Variants in CDKL5 observed in about 807,000 individuals in gnomAD.
The protein encoded by CDKL5 is cyclin dependent kinase like 5, also known as cyclin-dependent kinase-like 5.
In CDKL5, 8 loss-of-function variants were observed where a neutral mutation model predicts 61.7. The observed-to-expected ratio is 0.13, with a 90% confidence interval of 0.08 to 0.23. The LOEUF (loss-of-function observed/expected upper bound fraction) is 0.23, where lower values mean the gene tolerates loss of function less well. CDKL5 is among the 10% of genes least tolerant of loss of function. The pLI, the probability that CDKL5 is intolerant of heterozygous loss-of-function variation, is 1.00. For missense variants in CDKL5, 440 were observed against 734.5 expected (o/e 0.60, Z 4.63); for synonymous variants, 275 against 272.3 (o/e 1.01, Z -0.10).
chrX:18,486,839 T>C (rs1389434065), intron 1 of CDKL5, among the ~76,000 whole-genome samples: 1 of 112,051 alleles, frequency 8.9e-6, no homozygotes, highest in African/African-American at 3.2e-5. Context: ...GAATATTTTA[T>C]TTAATGAGTA....
intron 7 of CDKL5, among the ~76,000 whole-genome samples, chrX:18,583,263 G>A (rs1381978644): frequency 1.8e-5 from 2 of 111,436 alleles, no homozygotes; most frequent in Non-Finnish European, 3.8e-5. Context: ...TGGTCAGGAA[G>A]TTCCTCCTGG....
chrX:18,605,874 A>G (rs1399769059), intron 12 of CDKL5, among the ~76,000 whole-genome samples: 1 of 112,015 alleles, frequency 8.9e-6, no homozygotes, highest in Non-Finnish European at 1.9e-5. Context: ...GGGAAGATAA[A>G]CTGATACATG....
chrX:18,570,938 G>A (rs1925116624), intron 4 of CDKL5, among the ~76,000 whole-genome samples: 1 of 111,424 alleles, frequency 9.0e-6, no homozygotes, highest in African/African-American at 3.3e-5. Context: ...TCCTCACTCA[G>A]TGGGGTTTCT....
intron 9 of CDKL5, among the ~76,000 whole-genome samples, chrX:18,593,744 A>G (rs1288223333): frequency 8.9e-6 from 1 of 112,266 alleles, no homozygotes; most frequent in Non-Finnish European, 1.9e-5. Context: ...GCATAACATC[A>G]CTTCCCTCAG....
intron 3 of CDKL5, among the ~76,000 whole-genome samples, chrX:18,539,760 G>A: frequency 9.0e-6 from 1 of 111,507 alleles, no homozygotes; most frequent in Non-Finnish European, 1.9e-5. Flanking sequence ...TCTTCAGGAA[G>A]TTTTAGGATT....
chrX:18,530,030 T>C (rs1472158710), intron 3 of CDKL5, among the ~76,000 whole-genome samples: 1 of 111,480 alleles, frequency 9.0e-6, no homozygotes, highest in Non-Finnish European at 1.9e-5. Context: ...TGTTTTGCTT[T>C]TTAAAAATCT....
At chrX:18,617,784 T>C (rs1926764448) in intron 15 of CDKL5, among the ~76,000 whole-genome samples, 1 of 111,910 alleles carries the variant, frequency 8.9e-6, no homozygotes, top group African/African-American at 3.3e-5. Context: ...TTTTTTCATT[T>C]GGCCTCTGGG....
chrX:18,457,912 CTTTTTTTTT>C (rs775565675), intron 1 of CDKL5, among the ~76,000 whole-genome samples: 1 of 45,247 alleles, frequency 2.2e-5, no homozygotes. Context: ...CCATGCCCGG[CTTTTTTTTT>C]TTTTTTTTTT....
chrX:18,455,639 C>A (rs1284232418), intron 1 of CDKL5, among the ~76,000 whole-genome samples: 4 of 112,901 alleles, frequency 3.5e-5, no homozygotes, highest in African/African-American at 1.3e-4. Context: ...ACAGTGCAAA[C>A]CCGCTTCTGT....
intron 3 of CDKL5, among the ~76,000 whole-genome samples, chrX:18,558,756 A>G (rs908200971): frequency 8.9e-6 from 1 of 112,171 alleles, no homozygotes; most frequent in African/African-American, 3.2e-5. Flanking sequence ...ATAATCTGAC[A>G]CTGCTAGAGC....
In CDKL5 at chrX:18,628,547, G is replaced by A. The variant is rs373448935; in HGVS notation, c.2673G>A (p.Gln891=). 9.6e-5 allele frequency: 116 copies of A among 1,210,338 alleles called. No individual in the cohort carries two copies. The highest frequency in any genetic ancestry group is 3.1e-4 in the Admixed American group (14 of 45,830). The change falls in exon 18 of 18, where the codon CAG becomes CAA. Residue 891 remains glutamine, a synonymous_variant. Transcript: ENST00000623535. ...CTGGCGGGAGCAGCAACATCCGGCAGGAACCCGCACCGAAGGGCAGGCCAG... is the reference window on the plus strand; with the variant it reads ...CTGGCGGGAGCAGCAACATCCGGCAAGAACCCGCACCGAAGGGCAGGCCAG... ...QASGGSSNIR[Q]EPAPKGRPAL...
intron 1 of CDKL5, among the ~76,000 whole-genome samples, chrX:18,466,153 C>T (rs181322309): frequency 4.6e-4 from 51 of 111,337 alleles, no homozygotes; most frequent in Middle Eastern, 4.7e-3. Flanking sequence ...TCTACCTGTT[C>T]TCAGTGAAGA....
intron 15 of CDKL5, among the ~76,000 whole-genome samples, chrX:18,615,549 C>A (rs1369700596): frequency 9.0e-6 from 1 of 111,479 alleles, no homozygotes; most frequent in Admixed American, 9.5e-5. Flanking sequence ...TCCTGAGTAG[C>A]CCAGACTGTG....
chrX:18,530,457 C>T (rs577159767), intron 3 of CDKL5, among the ~76,000 whole-genome samples: 1 of 110,911 alleles, frequency 9.0e-6, no homozygotes, highest in Non-Finnish European at 1.9e-5. Context: ...AGTTTACTGT[C>T]GAGTCCATTA....
At position 18,633,998 on chromosome X, in the gene CDKL5, T is replaced by C; in HGVS notation, c.*5241T>C. 1 of 754,333 alleles carries C rather than the reference T, an allele frequency of 1.3e-6. No homozygotes were observed. The highest frequency in any genetic ancestry group is 6.7e-5 in the South Asian group (1 of 14,867). The allele number at this position is 754,333 out of a possible 1,213,427, so 62.2% of individuals were successfully genotyped here. A position where few individuals can be genotyped will look rare whatever the true frequency, so the allele number is the denominator to read the frequency against. ...AATTGTAATAGTCGGCACGCTGGAT[T>C]TGTAGGGCCAGCAAAATTGCGGCAG... On this transcript the variant is annotated 3_prime_UTR_variant, in exon 18 of 18. Coordinates refer to ENST00000623535, the MANE Select transcript of CDKL5 (RefSeq NM_001323289.2).
rs1384736284 is a variant in CDKL5 at position 18,595,432 on chromosome X, A to T, written c.825+4A>T. On this transcript the variant is annotated splice_donor_region_variant and intron_variant, in intron 10 of 17. Transcript: ENST00000623535. ...TGTTCTACTTGACCTAATGAAGGTA[A>T]GGCCAATTGATATTATCTCTATAAA... The T allele has an allele frequency of 1.8e-6, 2 of 1,093,791 alleles. No individual in the cohort carries two copies. The highest frequency in any genetic ancestry group is 3.6e-5 in the African/African-American group (2 of 55,057). 90.1% of individuals were successfully genotyped at this position (1,093,791 alleles called of 1,213,427 possible). A position where few individuals can be genotyped will look rare whatever the true frequency, so the allele number is the denominator to read the frequency against.
chrX:18,599,324 T>G (rs985380460), intron 11 of CDKL5, among the ~76,000 whole-genome samples: 2 of 112,536 alleles, frequency 1.8e-5, no homozygotes, highest in Non-Finnish European at 3.8e-5. Flanking sequence ...CTAGTCATGG[T>G]CTCCCTGTTT....
chrX:18,628,600 C>T lies in CDKL5; in HGVS notation c.2726C>T (p.Pro909Leu). ...CTCCAGCTGCCAGGTCAGATGGATC[C>T]TGGTTGGCATGTGTCCTCTGTGACC... is the stretch of plus-strand genomic sequence containing the variant. ...PALQLPGQMD[P>L]GWHVSSVTRS... The change falls in exon 18 of 18, where the codon CCT (proline) becomes CTT (leucine). Residue 909 changes from proline (P) to leucine (L), a missense_variant. Coordinates refer to ENST00000623535, the MANE Select transcript of CDKL5 (RefSeq NM_001323289.2). 1 of 1,211,855 alleles carries T rather than the reference C, an allele frequency of 8.3e-7. No individual in the cohort carries two copies. Among genetic ancestry groups the T allele is most frequent in the East Asian group, 3.0e-5 (1 of 33,839 alleles).
chrX:18,595,292 G>A (rs1278687678), intron 9 of CDKL5, 56 bp from the exon 10 acceptor site: 3 of 819,825 alleles, frequency 3.7e-6, no homozygotes, highest in South Asian at 2.0e-5. Context: ...TCACAAGCAC[G>A]TGCACACACA....
Sources: allele counts gnomAD v4.1 joint callset (sites outside exome capture counted in the v4.1 genomes callset), GRCh38; gene constraint gnomAD v4.1.1; transcripts MANE v1.5; gene names NCBI Gene and HGNC (gene_info 2026-07-23, HGNC 2026-07-21).